Variants in CDKAL1 observed in about 807,000 individuals in gnomAD.
CDKAL1 encodes the protein threonylcarbamoyladenosine tRNA methylthiotransferase.
CDKAL1 carries 32 observed loss-of-function variants against 68.2 expected under a neutral mutation model. The ratio of observed to expected loss-of-function variants is 0.47; its 90% confidence interval spans 0.35 to 0.63. The LOEUF (loss-of-function observed/expected upper bound fraction) is 0.63. Among genes scored for constraint, CDKAL1 ranks in the 30% least tolerant of loss-of-function variants. The pLI is 0.00. For missense variants in CDKAL1, 606 were observed against 696.7 expected (o/e 0.87, Z 1.47); for synonymous variants, 234 against 244.3 (o/e 0.96, Z 0.39).
chr6:21,052,212 G>A (rs1770577865), intron 11 of CDKAL1, among the ~76,000 whole-genome samples: 1 of 152,176 alleles, frequency 6.6e-6, no homozygotes, highest in Non-Finnish European at 1.5e-5. Flanking sequence ...AATATAAATA[G>A]AATGATTCCC....
intron 9 of CDKAL1, among the ~76,000 whole-genome samples, chr6:20,870,304 T>C (rs927666970): frequency 3.3e-5 from 5 of 152,214 alleles, no homozygotes; most frequent in African/African-American, 9.6e-5. Flanking sequence ...AGAGGATAGA[T>C]TTATAAGCTA....
intron 9 of CDKAL1, among the ~76,000 whole-genome samples, chr6:20,855,965 T>C (rs184486647): frequency 8.4e-4 from 128 of 152,340 alleles, no homozygotes; most frequent in Middle Eastern, 3.4e-3. Context: ...TTCTGTGTTC[T>C]CTATCAAGAT....
intron 4 of CDKAL1, among the ~76,000 whole-genome samples, chr6:20,625,825 G>A (rs1345598004): frequency 6.6e-6 from 1 of 151,998 alleles, no homozygotes; most frequent in South Asian, 2.1e-4. Context: ...AAAAAAAATG[G>A]CCAGATTTTG....
At chr6:20,776,667 G>C (rs1182296585) in intron 7 of CDKAL1, among the ~76,000 whole-genome samples, 2 of 152,098 alleles carry the variant, frequency 1.3e-5, no homozygotes, top group African/African-American at 4.8e-5. Context: ...GGCATGAGGA[G>C]GTCAACAAAC....
At chr6:21,062,901 C>T (rs1241527241) in intron 11 of CDKAL1, among the ~76,000 whole-genome samples, 1 of 81,432 alleles carries the variant, frequency 1.2e-5, no homozygotes, top group Non-Finnish European at 2.3e-5. Context: ...TCATGTAGAA[C>T]TGTTTTTTGT....
At chr6:21,051,609 A>G (rs1474005621) in intron 11 of CDKAL1, among the ~76,000 whole-genome samples, 1 of 152,210 alleles carries the variant, frequency 6.6e-6, no homozygotes, top group African/African-American at 2.4e-5. Context: ...TGAAAACTGG[A>G]TTAGAATCTA....
Position 20,620,690 on chromosome 6 carries a change from G to A in CDKAL1, c.287-28603G>A, listed in dbSNP as rs144644273. Among the ~76,000 whole-genome samples the A allele has an allele frequency of 1.6e-3, 246 of 151,716 alleles. 2 individuals are homozygous for A. The highest frequency in any genetic ancestry group is 6.0e-3 in the Admixed American group (92 of 15,230). On this transcript the variant is annotated intron_variant, in intron 4 of 15. Transcript: ENST00000274695. ...CTATATTTCCTGCCTGTCTAACACCGAATTTTTTTTTTTTCTGGAAGAAAA... is the reference window on the plus strand; with the variant it reads ...CTATATTTCCTGCCTGTCTAACACCAAATTTTTTTTTTTTCTGGAAGAAAA...
chr6:21,099,461 A>G (rs1471946250), intron 12 of CDKAL1, among the ~76,000 whole-genome samples: 1 of 152,182 alleles, frequency 6.6e-6, no homozygotes, highest in African/African-American at 2.4e-5. Flanking sequence ...TTAAATGTAC[A>G]AACAAATCAC....
intron 9 of CDKAL1, among the ~76,000 whole-genome samples, chr6:20,887,316 T>C (rs905698834): frequency 6.6e-6 from 1 of 152,180 alleles, no homozygotes; most frequent in African/African-American, 2.4e-5. Context: ...GCAATTCTAC[T>C]CATTTACTAA....
rs186155138 is a variant in CDKAL1 at position 20,977,853 on chromosome 6, G to T, written c.909+22268G>T. The stretch of plus-strand genomic sequence containing the variant: ...GAATTGCTCCACTGCACTCCAGCCT[G>T]AGCAACAGAGTGAGACTCCGTCTCA... On this transcript the variant is annotated intron_variant, in intron 10 of 15. Transcript: ENST00000274695. Among the ~76,000 whole-genome samples the T allele has an allele frequency of 1.2e-3, 181 of 152,288 alleles. 1 individual carries two copies. Among genetic ancestry groups the T allele is most frequent in the Admixed American group, 2.7e-3 (41 of 15,296 alleles).
chr6:20,683,120 C>T lies in CDKAL1; in HGVS notation c.371+33743C>T, dbSNP rs140119419. Among the ~76,000 whole-genome samples the T allele has an allele frequency of 1.1e-3, 171 of 152,056 alleles. 1 individual carries two copies. Among genetic ancestry groups the T allele is most frequent in the Middle Eastern group, 6.8e-3 (2 of 294 alleles). ...TGGAACTACAGGTGCACACACTGTG[C>T]CTGTCTTATATTTTATTGAGTAATG... On this transcript the variant is annotated intron_variant, in intron 5 of 15. Transcript: ENST00000274695.
intron 2 of CDKAL1, among the ~76,000 whole-genome samples, chr6:20,540,826 G>A (rs1029895899): frequency 1.1e-4 from 17 of 152,186 alleles, no homozygotes; most frequent in Admixed American, 5.9e-4. Flanking sequence ...GCAGTTGAAC[G>A]TCTGAGTCTG....
chr6:20,619,791 C>G (rs950482289), intron 4 of CDKAL1, among the ~76,000 whole-genome samples: 3 of 152,122 alleles, frequency 2.0e-5, no homozygotes, highest in Non-Finnish European at 4.4e-5. Context: ...TAATGAGGCA[C>G]TTGTTTGTGA....
intron 12 of CDKAL1, among the ~76,000 whole-genome samples, chr6:21,083,993 G>A (rs1434259892): frequency 6.6e-6 from 1 of 152,138 alleles, no homozygotes; most frequent in African/African-American, 2.4e-5. Context: ...TGATCACTTG[G>A]TTCAGGTGTT....
chr6:21,226,079 G>C (rs1779728286), intron 15 of CDKAL1, among the ~76,000 whole-genome samples: 1 of 152,200 alleles, frequency 6.6e-6, no homozygotes, highest in African/African-American at 2.4e-5. Context: ...AGAGCTCGAG[G>C]ACTTACTGCT....
chr6:20,715,366 G>A (rs1772040336), intron 5 of CDKAL1, among the ~76,000 whole-genome samples: 1 of 152,032 alleles, frequency 6.6e-6, no homozygotes, highest in Non-Finnish European at 1.5e-5. Context: ...TATCCTTCAG[G>A]CCCATCCATG....
At chr6:20,660,608 C>T (rs1360204304) in intron 5 of CDKAL1, among the ~76,000 whole-genome samples, 7 of 152,106 alleles carry the variant, frequency 4.6e-5, no homozygotes, top group Admixed American at 6.5e-5. Flanking sequence ...AAATGAGCTC[C>T]GGGCCAGCTT....
intron 13 of CDKAL1, among the ~76,000 whole-genome samples, chr6:21,171,014 A>G (rs1777361901): frequency 2.0e-5 from 3 of 152,226 alleles, no homozygotes; most frequent in Admixed American, 2.0e-4. Context: ...TATTAGTAAG[A>G]TATTTTTAAA....
chr6:21,064,916 G>A (rs9465960), intron 11 of CDKAL1, 132 bp from the exon 12 acceptor site: 144,459 of 534,688 alleles, frequency 0.27, 20,458 homozygotes, highest in South Asian at 0.35. Context: ...AGGACTCTTT[G>A]AAACTATTTG....
Sources: allele counts gnomAD v4.1 joint callset (sites outside exome capture counted in the v4.1 genomes callset), GRCh38; gene constraint gnomAD v4.1.1; transcripts MANE v1.5; gene names NCBI Gene and HGNC (gene_info 2026-07-23, HGNC 2026-07-21).